The following CYTH3 variants were observed in gnomAD, a reference collection of about 807,000 sequenced individuals.
The protein encoded by CYTH3 is cytohesin-3.
Under a neutral mutation model 55.1 loss-of-function variants are expected in CYTH3, and 23 were observed. The ratio of observed to expected loss-of-function variants is 0.42; its 90% CI spans 0.30 to 0.59. CYTH3 has a LOEUF of 0.59. CYTH3 is among the 20% of genes least tolerant of loss of function. The probability of loss-of-function intolerance (pLI) is 0.20; values close to 1 mark genes in which losing one functional copy is unlikely to be tolerated. For missense variants in CYTH3, 413 were observed against 524.8 expected (o/e 0.79, Z 2.08); for synonymous variants, 249 against 194.9 (o/e 1.28, Z -2.31).
At chr7:6,244,404 C>A (rs1428710982) in intron 1 of CYTH3, among the ~76,000 whole-genome samples, 1 of 152,058 alleles carries the variant, frequency 6.6e-6, no homozygotes, top group African/African-American at 2.4e-5. Flanking sequence ...TCTGAAGTAC[C>A]CTAGTAGAAT....
At position 6,251,871 on chromosome 7, in the gene CYTH3, G is replaced by A. The variant is rs750254646; in HGVS notation, c.34+20603C>T. Among the ~76,000 whole-genome samples, 17 of 152,256 alleles carry A rather than the reference G, an allele frequency of 1.1e-4. No homozygotes were observed. In the Middle Eastern group the frequency reaches 0.014, roughly 122 times the overall value. On this transcript the variant is annotated intron_variant, in intron 1 of 12. Coordinates refer to ENST00000350796, the MANE Select transcript of CYTH3 (RefSeq NM_004227.4). ...GTATTTAATAGTCCCCAAACAGGACGTCTGGCTACAATTACAAGAAATATG... is the reference window on the plus strand; with the variant it reads ...GTATTTAATAGTCCCCAAACAGGACATCTGGCTACAATTACAAGAAATATG...
chr7:6,258,242 G>T (rs1780181369), intron 1 of CYTH3, among the ~76,000 whole-genome samples: 1 of 151,698 alleles, frequency 6.6e-6, no homozygotes, highest in South Asian at 2.1e-4. Flanking sequence ...GAGCCAAGGA[G>T]GTTGAGACCG....
intron 1 of CYTH3, among the ~76,000 whole-genome samples, chr7:6,270,039 G>A (rs1780612285): frequency 6.6e-6 from 1 of 152,090 alleles, no homozygotes; most frequent in Non-Finnish European, 1.5e-5. Context: ...ATAATCTGCT[G>A]GCAGCTGAAA....
intron 5 of CYTH3, among the ~76,000 whole-genome samples, chr7:6,174,415 G>A (rs973455628): frequency 6.6e-6 from 1 of 151,652 alleles, no homozygotes. Flanking sequence ...GCACCTGCCT[G>A]CATCATTTTA....
At chr7:6,195,061 A>T (rs961789688) in intron 1 of CYTH3, among the ~76,000 whole-genome samples, 9 of 152,146 alleles carry the variant, frequency 5.9e-5, no homozygotes, top group Middle Eastern at 3.2e-3. Flanking sequence ...TCTTCTTCCT[A>T]AATAAGCCAA....
chr7:6,175,524 G>A (rs558210621), intron 5 of CYTH3, among the ~76,000 whole-genome samples: 5 of 136,978 alleles, frequency 3.7e-5, no homozygotes, highest in Admixed American at 7.3e-5. Flanking sequence ...GTCTTACAAT[G>A]TCTTGACTAT....
chr7:6,214,377 G>A (rs1784384538), intron 1 of CYTH3, among the ~76,000 whole-genome samples: 1 of 152,212 alleles, frequency 6.6e-6, no homozygotes, highest in Non-Finnish European at 1.5e-5. Flanking sequence ...GAACTCTACA[G>A]ATTTCTAAAT....
rs777779874 is a variant in CYTH3 at position 6,227,986 on chromosome 7, C to G, written c.35-37455G>C. ...TAGGTGGGCTAGATTTCAACAACAA[C>G]GAGATAATTGCTAGGGTTCACTCTG... On this transcript the variant is annotated intron_variant, in intron 1 of 12. Transcript: ENST00000350796. Among the ~76,000 whole-genome samples the G allele has an allele frequency of 1.3e-4, 20 of 152,264 alleles. No homozygotes were observed. In the East Asian group the frequency reaches 1.5e-3, roughly 12 times the overall value.
intron 1 of CYTH3, among the ~76,000 whole-genome samples, chr7:6,222,978 A>T (rs935156867): frequency 2.0e-5 from 3 of 152,220 alleles, no homozygotes; most frequent in Admixed American, 1.3e-4. Context: ...AGTGAACTAA[A>T]CACTTGCTGG....
At chr7:6,216,615 C>A (rs1784433072) in intron 1 of CYTH3, among the ~76,000 whole-genome samples, 1 of 151,730 alleles carries the variant, frequency 6.6e-6, no homozygotes, top group Non-Finnish European at 1.5e-5. Context: ...GTGACGCACA[C>A]CTATGGTCCC....
At chr7:6,225,765 C>T (rs1315655474) in intron 1 of CYTH3, among the ~76,000 whole-genome samples, 2 of 151,752 alleles carry the variant, frequency 1.3e-5, no homozygotes, top group African/African-American at 2.4e-5. Context: ...CTGCAACCTC[C>T]GCCTCCTGGG....
intron 1 of CYTH3, among the ~76,000 whole-genome samples, chr7:6,242,864 G>A (rs1779710586): frequency 6.6e-6 from 1 of 152,052 alleles, no homozygotes; most frequent in Non-Finnish European, 1.5e-5. Flanking sequence ...CAGTCCCTGT[G>A]CTGGGACCCC....
intron 1 of CYTH3, among the ~76,000 whole-genome samples, chr7:6,207,550 A>T (rs913248542): frequency 1.3e-5 from 2 of 152,100 alleles, no homozygotes; most frequent in African/African-American, 4.8e-5. Context: ...GGATCACTTG[A>T]GACCAGGAGT....
chr7:6,181,953 T>C (rs938605636), intron 4 of CYTH3, among the ~76,000 whole-genome samples: 1 of 152,234 alleles, frequency 6.6e-6, no homozygotes, highest in African/African-American at 2.4e-5. Context: ...ATAAGAAACA[T>C]CCTATCGTAT....
chr7:6,234,580 G>A (rs1044488286), intron 1 of CYTH3, among the ~76,000 whole-genome samples: 2 of 152,212 alleles, frequency 1.3e-5, no homozygotes, highest in Non-Finnish European at 2.9e-5. Flanking sequence ...CTCATGAAGA[G>A]GGCTGGTCTC....
At chr7:6,265,350 T>C (rs1190694641) in intron 1 of CYTH3, among the ~76,000 whole-genome samples, 1 of 151,780 alleles carries the variant, frequency 6.6e-6, no homozygotes, top group Non-Finnish European at 1.5e-5. Flanking sequence ...TGGTGGCTCA[T>C]GCCTGTAATC....
chr7:6,237,162 C>G (rs972783120), intron 1 of CYTH3, among the ~76,000 whole-genome samples: 1 of 152,190 alleles, frequency 6.6e-6, no homozygotes, highest in African/African-American at 2.4e-5. Flanking sequence ...TCTCCCAGAG[C>G]GAGTTCTACA....
chr7:6,262,214 C>T (rs1262554389), intron 1 of CYTH3, among the ~76,000 whole-genome samples: 3 of 152,100 alleles, frequency 2.0e-5, no homozygotes, highest in African/African-American at 7.2e-5. Context: ...ACACAGAGGG[C>T]ATGTTTAATG....
chr7:6,173,569 A>G, intron 6 of CYTH3, 84 bp downstream of exon 6: 4 of 847,370 alleles, frequency 4.7e-6, no homozygotes, highest in Non-Finnish European at 6.1e-6. Context: ...AGTTACCTGG[A>G]GTCAATTCAC....
Sources: allele counts gnomAD v4.1 joint callset (sites outside exome capture counted in the v4.1 genomes callset), GRCh38; gene constraint gnomAD v4.1.1; transcripts MANE v1.5; gene names NCBI Gene and HGNC (gene_info 2026-07-23, HGNC 2026-07-21).